Variants in TOX2 observed in about 807,000 individuals in gnomAD.
TOX2 encodes granulosa cell HMG box 1.
Under a neutral mutation model 47.4 loss-of-function variants are expected in TOX2, and 15 were observed. That is an observed-to-expected ratio of 0.32 (90% CI 0.21 to 0.49). The LOEUF is 0.49. Ranked by LOEUF, TOX2 falls within the 20% of genes least tolerant of loss-of-function variation. The pLI, the probability that TOX2 is intolerant of heterozygous loss-of-function variation, is 0.99. For synonymous variants in TOX2, 290 were observed against 296.6 expected (o/e 0.98, Z 0.23); for missense variants, 622 against 673.1 (o/e 0.92, Z 0.84).
At chr20:43,993,540 A>G (rs1456131675) in intron 2 of TOX2, among the ~76,000 whole-genome samples, 1 of 152,100 alleles carries the variant, frequency 6.6e-6, no homozygotes, top group Admixed American at 6.6e-5. Flanking sequence ...CTGAGGGGGA[A>G]ATGGACTTGG....
At chr20:44,001,675 C>T (rs1172611316) in intron 2 of TOX2, among the ~76,000 whole-genome samples, 3 of 145,936 alleles carry the variant, frequency 2.1e-5, no homozygotes, top group African/African-American at 7.8e-5. Flanking sequence ...CACTGGGCAC[C>T]TTCTCTGTGC....
chr20:43,945,063 T>C (rs936273842), intron 1 of TOX2, among the ~76,000 whole-genome samples: 1 of 152,180 alleles, frequency 6.6e-6, no homozygotes, highest in Non-Finnish European at 1.5e-5. Flanking sequence ...TTTGGCCTGA[T>C]GGCTTCAGAA....
Position 43,974,351 on chromosome 20 carries a change from T to G in TOX2, c.165+919T>G, listed in dbSNP as rs1319085806. 3.3e-5 allele frequency among the ~76,000 whole-genome samples: 5 copies of G among 152,246 alleles called. No individual in the cohort carries two copies. In the East Asian group the frequency reaches 9.7e-4, roughly 29 times the overall value. On this transcript the variant is annotated intron_variant, in intron 2 of 8. Coordinates refer to ENST00000341197, the MANE Select transcript of TOX2 (RefSeq NM_001098797.2). ...CGGGGGCCCCAGGGAGAGTCCTTAC[T>G]GCAGGCCGGAACCCCAGGGAGGGTC...
intron 3 of TOX2, among the ~76,000 whole-genome samples, chr20:44,032,750 C>T (rs2071176168): frequency 1.3e-5 from 2 of 152,174 alleles, no homozygotes; most frequent in Admixed American, 6.5e-5. Context: ...ACCTCACACC[C>T]CCAGCTGAGC....
At chr20:44,047,040 ACT>A (rs2071421031) in intron 3 of TOX2, among the ~76,000 whole-genome samples, 1 of 152,174 alleles carries the variant, frequency 6.6e-6, no homozygotes, top group South Asian at 2.1e-4. Context: ...AAATAAAAAC[ACT>A]CTTCCAAATA....
At chr20:44,045,772 C>T (rs571257433) in intron 3 of TOX2, among the ~76,000 whole-genome samples, 1 of 152,304 alleles carries the variant, frequency 6.6e-6, no homozygotes, top group East Asian at 1.9e-4. Context: ...CTTCAAAAAT[C>T]CGCCATTATC....
At chr20:44,056,142 T>TG (rs2071611797) in intron 5 of TOX2, among the ~76,000 whole-genome samples, 1 of 152,164 alleles carries the variant, frequency 6.6e-6, no homozygotes, top group Non-Finnish European at 1.5e-5. Flanking sequence ...GCAAGGGTGC[T>TG]GGGGTGGACA....
At chr20:44,025,879 T>C (rs1160007734) in intron 3 of TOX2, among the ~76,000 whole-genome samples, 1 of 151,880 alleles carries the variant, frequency 6.6e-6, no homozygotes, top group African/African-American at 2.4e-5. Context: ...TCATAGCGCC[T>C]GCCTCAGAGG....
At chr20:43,976,941 A>C (rs187741177) in intron 2 of TOX2, among the ~76,000 whole-genome samples, 2 of 152,246 alleles carry the variant, frequency 1.3e-5, no homozygotes, top group Non-Finnish European at 2.9e-5. Context: ...TAGAGGATTC[A>C]GAGGATAAAC....
chr20:44,033,627 A>T (rs760001017), intron 3 of TOX2, among the ~76,000 whole-genome samples: 15 of 152,254 alleles, frequency 9.9e-5, no homozygotes, highest in Middle Eastern at 3.4e-3. Context: ...AGCAGAGAGC[A>T]AAAAGGTCAT....
intron 6 of TOX2, 21 bp downstream of exon 6, chr20:44,064,878 G>A (rs748049264): frequency 6.2e-7 from 1 of 1,612,434 alleles, no homozygotes; most frequent in South Asian, 1.1e-5. Flanking sequence ...GAATCTCCAG[G>A]CACAGCCCTG....
intron 2 of TOX2, among the ~76,000 whole-genome samples, chr20:43,998,763 CT>C (rs1299295897): frequency 2.7e-5 from 4 of 149,358 alleles, no homozygotes; most frequent in African/African-American, 7.4e-5. Flanking sequence ...ATCTATCTAT[CT>C]ATCTATTTAT....
chr20:44,059,683 T>C (rs947147745), intron 5 of TOX2, among the ~76,000 whole-genome samples: 5 of 152,124 alleles, frequency 3.3e-5, no homozygotes, highest in South Asian at 2.1e-4. Flanking sequence ...TTCATTACAG[T>C]TCTTTTTTTC....
intron 5 of TOX2, among the ~76,000 whole-genome samples, chr20:44,059,550 G>A (rs1219466010): frequency 6.6e-6 from 1 of 152,118 alleles, no homozygotes; most frequent in Non-Finnish European, 1.5e-5. Flanking sequence ...AGAAGGAAAG[G>A]AAAACCTTTC....
At chr20:44,023,177 C>T (rs1429788490) in intron 3 of TOX2, among the ~76,000 whole-genome samples, 3 of 151,726 alleles carry the variant, frequency 2.0e-5, no homozygotes, top group Admixed American at 2.0e-4. Flanking sequence ...GGAAGGGATC[C>T]CAGCACTTTG....
chr20:43,961,731 G>T (rs1486652912), intron 1 of TOX2, among the ~76,000 whole-genome samples: 1 of 152,104 alleles, frequency 6.6e-6, no homozygotes, highest in Admixed American at 6.6e-5. Context: ...TGTCACTGGA[G>T]AGGTCCATGG....
intron 1 of TOX2, among the ~76,000 whole-genome samples, chr20:43,940,269 G>A (rs985499878): frequency 7.2e-5 from 11 of 152,004 alleles, no homozygotes; most frequent in Non-Finnish European, 1.3e-4. Flanking sequence ...AGACTGAAGT[G>A]TAGTGGCATG....
chr20:44,055,559 G>A (rs1600793477), intron 5 of TOX2, among the ~76,000 whole-genome samples: 1 of 152,086 alleles, frequency 6.6e-6, no homozygotes, highest in South Asian at 2.1e-4. Flanking sequence ...GCCAGACCAC[G>A]CTGGGCTTTG....
chr20:43,920,626 A>G (rs1340295007), intron 1 of TOX2, among the ~76,000 whole-genome samples: 1 of 152,116 alleles, frequency 6.6e-6, no homozygotes, highest in African/African-American at 2.4e-5. Flanking sequence ...GGACCCCAGG[A>G]TGTTTGCATG....
Sources: gnomAD v4.1 joint callset for allele counts (sites outside exome capture counted in the v4.1 genomes callset) on GRCh38, gnomAD v4.1.1 for gene constraint, MANE v1.5 for transcripts, NCBI Gene and HGNC (gene_info 2026-07-23, HGNC 2026-07-21) for gene names.